PIN4: variants seen among roughly 807,000 people sequenced by gnomAD.
PIN4 encodes the protein peptidyl-prolyl cis-trans isomerase NIMA-interacting 4.
Under a neutral mutation model 8.3 loss-of-function variants are expected in PIN4, and 3 were observed. The ratio of observed to expected loss-of-function variants is 0.36; its 90% CI spans 0.16 to 0.93. The LOEUF is 0.93. Ranked by LOEUF, PIN4 falls within the 40% of genes least tolerant of loss-of-function variation. The pLI is 0.44. For synonymous variants in PIN4, 18 were observed against 32.5 expected (o/e 0.55, Z 1.52); for missense variants, 75 against 100.6 (o/e 0.75, Z 1.09).
chrX:72,205,368 TTCC>T, intron 3 of PIN4: 1 of 1,211,985 alleles, frequency 8.3e-7, no homozygotes, highest in Non-Finnish European at 1.1e-6. Context: ...CGCCACTGCT[TTCC>T]TCCACCCCTT....
intron 3 of PIN4, chrX:72,205,501 G>C (rs781535055): frequency 8.3e-7 from 1 of 1,211,579 alleles, no homozygotes; most frequent in Non-Finnish European, 1.1e-6. Context: ...AGATCTTCTA[G>C]AGTTCATAGA....
intron 3 of PIN4, among the ~76,000 whole-genome samples, chrX:72,236,518 A>T (rs2043018128): frequency 9.2e-6 from 1 of 109,093 alleles, no homozygotes; most frequent in Non-Finnish European, 1.9e-5. Flanking sequence ...CTGGTCTTGA[A>T]CTCCTGACCT....
chrX:72,211,662 C>T (rs2042854839), intron 3 of PIN4, among the ~76,000 whole-genome samples: 1 of 110,758 alleles, frequency 9.0e-6, no homozygotes, highest in African/African-American at 3.3e-5. Flanking sequence ...CACCTGTAGT[C>T]AGTCCCAGCT....
chrX:72,259,906 CTT>C (rs200170012), intron 3 of PIN4, among the ~76,000 whole-genome samples: 4 of 97,416 alleles, frequency 4.1e-5, no homozygotes, highest in Admixed American at 1.1e-4. Context: ...AATTTTTTTT[CTT>C]TTTTTTTTTT....
At chrX:72,223,548 C>A (rs1418148149) in intron 3 of PIN4, among the ~76,000 whole-genome samples, 1 of 107,886 alleles carries the variant, frequency 9.3e-6, no homozygotes, top group Admixed American at 9.9e-5. Flanking sequence ...CGCCACCCCA[C>A]CCAGCTAATT....
intron 3 of PIN4, among the ~76,000 whole-genome samples, chrX:72,213,232 C>T (rs185354570): frequency 1.2e-3 from 138 of 111,641 alleles, no homozygotes; most frequent in Non-Finnish European, 2.0e-3. Context: ...AAGGTGACTA[C>T]ACCTACCTTT....
intron 3 of PIN4, among the ~76,000 whole-genome samples, chrX:72,229,289 A>C (rs960815716): frequency 7.2e-5 from 8 of 111,412 alleles, no homozygotes; most frequent in Admixed American, 1.9e-4. Flanking sequence ...ACCCAGTATC[A>C]CCTGAAGCAA....
intron 3 of PIN4, among the ~76,000 whole-genome samples, chrX:72,209,329 C>T (rs1038469638): frequency 1.8e-5 from 2 of 112,107 alleles, no homozygotes; most frequent in Non-Finnish European, 3.8e-5. Flanking sequence ...TCAAGCTCTA[C>T]TCTAGACCCA....
chrX:72,189,063 G>C (rs2042718296), intron 2 of PIN4, among the ~76,000 whole-genome samples: 2 of 111,618 alleles, frequency 1.8e-5, no homozygotes, highest in African/African-American at 6.5e-5. Context: ...TACTTGGGAG[G>C]CTGAGGTAGG....
chrX:72,195,581 C>A (rs769024933), intron 2 of PIN4, among the ~76,000 whole-genome samples: 7 of 110,161 alleles, frequency 6.4e-5, no homozygotes, highest in African/African-American at 2.3e-4. Flanking sequence ...GTGGAGGTTG[C>A]AGTGAGCCAA....
chrX:72,223,779 C>T (rs1219558002), intron 3 of PIN4, among the ~76,000 whole-genome samples: 3 of 111,580 alleles, frequency 2.7e-5, no homozygotes, highest in Non-Finnish European at 5.7e-5. Flanking sequence ...ACAAAAGCCT[C>T]CAGACAACCC....
intron 3 of PIN4, among the ~76,000 whole-genome samples, chrX:72,218,131 A>G (rs2042897646): frequency 9.1e-6 from 1 of 109,537 alleles, no homozygotes; most frequent in East Asian, 2.9e-4. Context: ...TTAGCTGGGC[A>G]TGGTGGTGGG....
At chrX:72,191,063 T>C (rs1051033996) in intron 2 of PIN4, among the ~76,000 whole-genome samples, 1 of 109,983 alleles carries the variant, frequency 9.1e-6, no homozygotes, top group African/African-American at 3.3e-5. Context: ...AGGCCCTCAG[T>C]GCTGCTCAGC....
At position 72,246,160 on chromosome X, in the gene PIN4, A is replaced by G. The variant is rs1444358876; in HGVS notation, c.313-16547A>G. On this transcript the variant is annotated intron_variant, in intron 3 of 3. Coordinates refer to the PIN4 transcript ENST00000423432. ...TGCTCTCTCAATATTTCCCATCTCC[A>G]TGAATGGCACTACCAACCCCCAAAG... Among the ~76,000 whole-genome samples, 22 of 111,867 alleles carry G rather than the reference A, an allele frequency of 2.0e-4. No individual in the cohort carries two copies. In the Admixed American group the frequency reaches 2.0e-3, roughly 10 times the overall value.
At chrX:72,221,967 C>T (rs774291589) in intron 3 of PIN4, among the ~76,000 whole-genome samples, 3 of 109,761 alleles carry the variant, frequency 2.7e-5, no homozygotes, top group East Asian at 5.8e-4. Flanking sequence ...GCAGATGAAC[C>T]CCCTTCGTAT....
At chrX:72,205,201 G>A in intron 3 of PIN4, 1 of 1,211,528 alleles carries the variant, frequency 8.3e-7, no homozygotes, top group South Asian at 1.8e-5. Flanking sequence ...CTTATCCTGG[G>A]GAGAACCAAC....
At chrX:72,217,503 C>T (rs2042893051) in intron 3 of PIN4, among the ~76,000 whole-genome samples, 1 of 111,644 alleles carries the variant, frequency 9.0e-6, no homozygotes, top group Non-Finnish European at 1.9e-5. Flanking sequence ...AGTGTCAAGC[C>T]CCAAACCAAA....
At chrX:72,196,044 G>A (rs928021172) in intron 2 of PIN4, among the ~76,000 whole-genome samples, 8 of 110,549 alleles carry the variant, frequency 7.2e-5, no homozygotes, top group Non-Finnish European at 1.3e-4. Flanking sequence ...GCTTGAACCC[G>A]GGAGGCAGAG....
chrX:72,260,026 A>G (rs746911800), intron 3 of PIN4, among the ~76,000 whole-genome samples: 1 of 108,627 alleles, frequency 9.2e-6, no homozygotes, highest in Non-Finnish European at 1.9e-5. Flanking sequence ...GGCAGAAGCC[A>G]CCGCGCCTGG....
Sources: allele counts gnomAD v4.1 joint callset (sites outside exome capture counted in the v4.1 genomes callset), GRCh38; gene constraint gnomAD v4.1.1; transcripts MANE v1.5; gene names NCBI Gene and HGNC (gene_info 2026-07-23, HGNC 2026-07-21).